TRIO: variants seen among roughly 807,000 people sequenced by gnomAD.
TRIO encodes the protein trio Rho guanine nucleotide exchange factor.
A neutral mutation model predicts 351.9 loss-of-function variants in TRIO; 58 were observed. The observed-to-expected ratio is 0.16, with a 90% confidence interval of 0.13 to 0.21. TRIO has a LOEUF of 0.21. Among genes scored for constraint, TRIO ranks in the 10% least tolerant of loss-of-function variants. The pLI is 1.00. For missense variants in TRIO, 3,201 were observed against 4,027.8 expected (o/e 0.79, Z 5.56); for synonymous variants, 1,758 against 1,595.7 (o/e 1.10, Z -2.42).
chr5:14,302,931 G>A (rs1201221557), intron 7 of TRIO, among the ~76,000 whole-genome samples: 1 of 152,238 alleles, frequency 6.6e-6, no homozygotes, highest in Non-Finnish European at 1.5e-5. Flanking sequence ...GATGGATTTC[G>A]ATAGGATCTC....
At chr5:14,311,317 A>T (rs1404134922) in intron 8 of TRIO, among the ~76,000 whole-genome samples, 1 of 152,206 alleles carries the variant, frequency 6.6e-6, no homozygotes, top group Non-Finnish European at 1.5e-5. Context: ...CAGAGAGTCA[A>T]ACCAAGGTAA....
At chr5:14,440,175 C>A (rs942435382) in intron 34 of TRIO, among the ~76,000 whole-genome samples, 1 of 152,072 alleles carries the variant, frequency 6.6e-6, no homozygotes, top group Non-Finnish European at 1.5e-5. Context: ...ATAAAGAATT[C>A]AAGATAGTAC....
chr5:14,448,092 AAT>A (rs1272597827), intron 34 of TRIO, among the ~76,000 whole-genome samples: 2 of 152,256 alleles, frequency 1.3e-5, no homozygotes, highest in African/African-American at 2.4e-5. Context: ...TACACAAAAT[AAT>A]AGTCTCATAC....
chr5:14,261,025 C>T (rs897064159), intron 1 of TRIO, among the ~76,000 whole-genome samples: 1 of 152,134 alleles, frequency 6.6e-6, no homozygotes, highest in East Asian at 1.9e-4. Flanking sequence ...CTCCTTAAAC[C>T]CTTTTTTGTT....
intron 1 of TRIO, among the ~76,000 whole-genome samples, chr5:14,171,796 G>A (rs558858110): frequency 1.1e-4 from 16 of 152,128 alleles, no homozygotes; most frequent in South Asian, 2.1e-4. Context: ...GGGGATGGTC[G>A]GTGGTTAGTA....
At chr5:14,312,109 C>T (rs545861362) in intron 8 of TRIO, among the ~76,000 whole-genome samples, 4 of 152,168 alleles carry the variant, frequency 2.6e-5, no homozygotes, top group Admixed American at 6.5e-5. Context: ...CTGCTGGAAA[C>T]GCTCAGCCCT....
intron 38 of TRIO, 150 bp from the exon 39 acceptor site, chr5:14,472,442 T>G (rs557358802): frequency 2.5e-6 from 2 of 810,876 alleles, no homozygotes; most frequent in East Asian, 2.9e-5. Flanking sequence ...TGTAAGTGAT[T>G]TGGGACTCTC....
At chr5:14,244,747 C>T (rs985388720) in intron 1 of TRIO, among the ~76,000 whole-genome samples, 2 of 152,272 alleles carry the variant, frequency 1.3e-5, no homozygotes, top group African/African-American at 4.8e-5. Flanking sequence ...CCACGTTCCA[C>T]TCCTTGCCGT....
intron 10 of TRIO, among the ~76,000 whole-genome samples, chr5:14,332,851 C>T (rs1451811105): frequency 6.6e-6 from 1 of 152,202 alleles, no homozygotes; most frequent in Non-Finnish European, 1.5e-5. Context: ...AAATGCCTGA[C>T]ACCCAGCAGG....
chr5:14,382,932 C>T (rs565984926), intron 21 of TRIO, among the ~76,000 whole-genome samples: 121 of 149,684 alleles, frequency 8.1e-4, no homozygotes, highest in African/African-American at 3.0e-3. Context: ...TTATATGATC[C>T]GTATTTAGGG....
In TRIO at chr5:14,440,984, T is replaced by A. The variant is rs548201490; in HGVS notation, c.5204-20035T>A. On this transcript the variant is annotated intron_variant, in intron 34 of 56. Transcript: ENST00000344204. ...ATCCACCGCGTCTGGGTATTCCCAC[T>A]TGTGAAACCCAACTGCAGCGCGCGC... 4.6e-5 allele frequency: 7 copies of A among 151,854 alleles called. No homozygotes were observed. In the South Asian group the frequency reaches 1.0e-3, roughly 23 times the overall value. The allele number at this position is 151,854 out of a possible 1,614,324, so 9.4% of individuals were successfully genotyped here.
At chr5:14,241,980 A>G (rs1794153991) in intron 1 of TRIO, among the ~76,000 whole-genome samples, 2 of 152,266 alleles carry the variant, frequency 1.3e-5, no homozygotes, top group African/African-American at 4.8e-5. Flanking sequence ...TACACTGATC[A>G]TAGTCACTAA....
At chr5:14,190,961 C>T (rs188738038) in intron 1 of TRIO, among the ~76,000 whole-genome samples, 48 of 152,024 alleles carry the variant, frequency 3.2e-4, no homozygotes, top group Non-Finnish European at 1.2e-4. Context: ...TAATGACACT[C>T]TCCCCTGAGA....
chr5:14,217,322 C>T (rs1194705111), intron 1 of TRIO, among the ~76,000 whole-genome samples: 1 of 152,170 alleles, frequency 6.6e-6, no homozygotes, highest in Non-Finnish European at 1.5e-5. Flanking sequence ...GGAGAGTTCA[C>T]AGAAAGGAAA....
chr5:14,505,718 C>T (rs555346103), intron 55 of TRIO, among the ~76,000 whole-genome samples: 2 of 152,320 alleles, frequency 1.3e-5, no homozygotes, highest in South Asian at 2.1e-4. Context: ...CCAGCTTCCT[C>T]GGGCCGCCCA....
At chr5:14,404,518 T>G (rs1748537337) in intron 31 of TRIO, among the ~76,000 whole-genome samples, 1 of 152,240 alleles carries the variant, frequency 6.6e-6, no homozygotes, top group Non-Finnish European at 1.5e-5. Context: ...TTCCAAACTC[T>G]GCCAGTTGTT....
rs145064971 is a variant in TRIO, at chr5:14,487,316, T to C, written c.6836-148T>C. ...AATACCTTGGCAAGCAGGGGCCTCTTCTAGCTCTCCTGATGGGTGGGGTTG... is the reference window on the plus strand; with the variant it reads ...AATACCTTGGCAAGCAGGGGCCTCTCCTAGCTCTCCTGATGGGTGGGGTTG... On this transcript the variant is annotated intron_variant, in intron 47 of 56. Coordinates refer to ENST00000344204, the MANE Select transcript of TRIO (RefSeq NM_007118.4). 2,407 of 971,592 alleles carry C rather than the reference T, an allele frequency of 2.5e-3. 24 individuals carry two copies. Among genetic ancestry groups the C allele is most frequent in the South Asian group, 0.024 (563 of 23,256 alleles). The allele number at this position is 971,592 out of a possible 1,614,324, so 60.2% of individuals were successfully genotyped here. A position where few individuals can be genotyped will look rare whatever the true frequency, so the allele number is the denominator to read the frequency against.
intron 33 of TRIO, among the ~76,000 whole-genome samples, chr5:14,408,018 C>G (rs1303140662): frequency 6.6e-6 from 1 of 152,196 alleles, no homozygotes; most frequent in East Asian, 1.9e-4. Context: ...TTCATGAGAC[C>G]TTTGTCCCCA....
At chr5:14,443,251 C>T (rs1279570273) in intron 34 of TRIO, among the ~76,000 whole-genome samples, 2 of 151,940 alleles carry the variant, frequency 1.3e-5, no homozygotes, top group African/African-American at 2.4e-5. Context: ...ATTGATGACC[C>T]GTGTGGAATT....
Sources: allele counts gnomAD v4.1 joint callset (sites outside exome capture counted in the v4.1 genomes callset), GRCh38; gene constraint gnomAD v4.1.1; transcripts MANE v1.5; gene names NCBI Gene and HGNC (gene_info 2026-07-23, HGNC 2026-07-21).